Variants in NRG3 observed in about 807,000 individuals in gnomAD.
NRG3 encodes pro-neuregulin-3, membrane-bound isoform.
A neutral mutation model predicts 66.9 loss-of-function variants in NRG3; 31 were observed. That is an observed-to-expected ratio of 0.46 (90% confidence interval 0.35 to 0.63). The LOEUF (loss-of-function observed/expected upper bound fraction) is 0.63. NRG3 is among the 20% of genes least tolerant of loss of function. NRG3 has a pLI of 0.00. For synonymous variants in NRG3, 393 were observed against 359.4 expected (o/e 1.09, Z -1.06); for missense variants, 910 against 878.9 (o/e 1.04, Z -0.45).
intron 3 of NRG3, among the ~76,000 whole-genome samples, chr10:82,784,800 T>C (rs2060275078): frequency 6.6e-6 from 1 of 152,038 alleles, no homozygotes; most frequent in Non-Finnish European, 1.5e-5. Flanking sequence ...AGTGTGGCGA[T>C]TCCTCAGGGA....
intron 1 of NRG3, among the ~76,000 whole-genome samples, chr10:82,319,937 G>A (rs1197005878): frequency 6.6e-6 from 1 of 152,190 alleles, no homozygotes; most frequent in Non-Finnish European, 1.5e-5. Flanking sequence ...CTGGACTGGA[G>A]AATGTGGCTG....
Position 81,876,076 on chromosome 10 carries a change from C to A in NRG3, c.736C>A (p.Pro246Thr). 6.2e-7 allele frequency: 1 copy of A among 1,613,892 alleles called. No individual in the cohort carries two copies. The highest frequency in any genetic ancestry group is 2.2e-5 in the East Asian group (1 of 44,862). ...TTCTACTCCCTCCTGGACCCTGTCT[C>A]CCTTTCAGGATGCTGCCTCCTCTTC... ...HDSTPSWTLS[P>T]FQDAASSSSS... Residue 246 changes from proline to threonine, a missense_variant, in exon 1 of 9, where the codon CCC (proline) becomes ACC (threonine). Pro to Thr is a conservative substitution (Grantham distance 38). Transcript: ENST00000372141.
intron 1 of NRG3, among the ~76,000 whole-genome samples, chr10:82,287,647 A>G (rs1314389630): frequency 1.3e-5 from 2 of 152,066 alleles, no homozygotes; most frequent in African/African-American, 2.4e-5. Flanking sequence ...TTTATTGTTC[A>G]TGATCTTTCT....
chr10:82,342,581 T>C (rs575225609), intron 1 of NRG3, among the ~76,000 whole-genome samples: 7 of 152,130 alleles, frequency 4.6e-5, no homozygotes, highest in Non-Finnish European at 1.0e-4. Context: ...TTAAAAAGTG[T>C]GTGTTTATGT....
intron 2 of NRG3, among the ~76,000 whole-genome samples, chr10:82,587,898 A>G (rs1049678435): frequency 6.6e-6 from 1 of 152,248 alleles, no homozygotes; most frequent in South Asian, 2.1e-4. Flanking sequence ...TTTAAAAATT[A>G]TATTTCCATT....
intron 1 of NRG3, among the ~76,000 whole-genome samples, chr10:82,346,619 G>C (rs2083041074): frequency 6.6e-6 from 1 of 151,680 alleles, no homozygotes; most frequent in African/African-American, 2.4e-5. Context: ...TCTATTGATT[G>C]GAATAGTTTC....
chr10:82,945,284 A>C (rs1023168343), intron 4 of NRG3, among the ~76,000 whole-genome samples: 1 of 152,144 alleles, frequency 6.6e-6, no homozygotes, highest in Non-Finnish European at 1.5e-5. Flanking sequence ...ATATCAGTTG[A>C]TCATGCTGCT....
At chr10:82,069,126 C>T (rs2133308112) in intron 1 of NRG3, among the ~76,000 whole-genome samples, 1 of 152,268 alleles carries the variant, frequency 6.6e-6, no homozygotes, top group African/African-American at 2.4e-5. Context: ...TTACTGTCTT[C>T]AGAACCACAG....
chr10:82,796,547 A>T (rs1282776856), intron 3 of NRG3, among the ~76,000 whole-genome samples: 1 of 152,176 alleles, frequency 6.6e-6, no homozygotes, highest in Non-Finnish European at 1.5e-5. Context: ...TCAAATAGCT[A>T]CAATAGAAGC....
rs1044032173 is a variant in NRG3, at chr10:82,369,096, C to T, written c.953+10228C>T. Among the ~76,000 whole-genome samples, 3 of 138,368 alleles carry T rather than the reference C, an allele frequency of 2.2e-5. No homozygotes were observed. In the East Asian group the frequency reaches 6.4e-4, roughly 30 times the overall value. 90.8% of individuals were successfully genotyped at this position (138,368 alleles called of 152,430 possible). A position where few individuals can be genotyped will look rare whatever the true frequency, so the allele number is the denominator to read the frequency against. On this transcript the variant is annotated intron_variant, in intron 2 of 8. Transcript: ENST00000372141. Reference sequence around the variant, plus strand: ...TTCCAAATCACTTTTGTCTGATCATCATTTACAAACATAAAAGATGGCTTA... The same window carrying T: ...TTCCAAATCACTTTTGTCTGATCATTATTTACAAACATAAAAGATGGCTTA...
intron 1 of NRG3, among the ~76,000 whole-genome samples, chr10:82,213,112 C>T (rs1197461313): frequency 6.6e-6 from 1 of 152,114 alleles, no homozygotes; most frequent in African/African-American, 2.4e-5. Context: ...TAAGGGAGGA[C>T]CCAGGTAGAG....
chr10:82,632,280 G>T (rs1383538557), intron 2 of NRG3, among the ~76,000 whole-genome samples: 2 of 151,972 alleles, frequency 1.3e-5, no homozygotes, highest in African/African-American at 4.8e-5. Flanking sequence ...TATACTCTGG[G>T]CTACTATTTC....
intron 2 of NRG3, among the ~76,000 whole-genome samples, chr10:82,516,507 A>G (rs1251705657): frequency 6.6e-6 from 1 of 152,158 alleles, no homozygotes; most frequent in Non-Finnish European, 1.5e-5. Context: ...CACACACACA[A>G]ATAATGCATA....
intron 4 of NRG3, among the ~76,000 whole-genome samples, chr10:82,878,622 T>A (rs1842036329): frequency 6.6e-6 from 1 of 152,182 alleles, no homozygotes; most frequent in Non-Finnish European, 1.5e-5. Context: ...GAAAGAGCAC[T>A]TGATTTTTAT....
In NRG3 at chr10:82,973,866, C is replaced by A. The variant is rs1350530008; in HGVS notation, c.1363C>A (p.Pro455Thr). 4 of 1,614,026 alleles carry A rather than the reference C, an allele frequency of 2.5e-6. No homozygotes were observed. The South Asian group carries it at 3.3e-5, about 13-fold the overall frequency. The change falls in exon 7 of 9, where the codon CCT becomes ACT. Residue 455 changes from proline to threonine, a missense_variant. Pro to Thr is a conservative substitution (Grantham distance 38). Coordinates refer to ENST00000372141, the MANE Select transcript of NRG3 (RefSeq NM_001010848.4). Reference protein sequence around the residue: ...ESSFVGPQSFPEVPSPDRGSQ... With the variant: ...ESSFVGPQSFTEVPSPDRGSQ... ...AAGTTTTGTCGGCCCCCAGTCATTC[C>A]CTGAGGTCCCTTCTCCTGACAGAGG...
chr10:82,021,524 T>G (rs2062058014), intron 1 of NRG3, among the ~76,000 whole-genome samples: 1 of 152,076 alleles, frequency 6.6e-6, no homozygotes, highest in Admixed American at 6.6e-5. Context: ...ATTATGGCAT[T>G]GGGTTACCAG....
Position 82,168,286 on chromosome 10 carries a change from C to T in NRG3, c.824-190453C>T, listed in dbSNP as rs935788669. 9.2e-5 allele frequency among the ~76,000 whole-genome samples: 14 copies of T among 152,186 alleles called. 1 individual carries two copies. Among genetic ancestry groups the T allele is most frequent in the Middle Eastern group, 3.4e-3 (1 of 294 alleles). ...GCTTGAAACCTATTCCAAGGCTCTC[C>T]GTGGGTAGGTGGCTGGGAATTGTCC... On this transcript the variant is annotated intron_variant, in intron 1 of 8. Coordinates refer to ENST00000372141, the MANE Select transcript of NRG3 (RefSeq NM_001010848.4).
intron 1 of NRG3, among the ~76,000 whole-genome samples, chr10:82,118,825 G>T (rs2067894077): frequency 6.6e-6 from 1 of 152,042 alleles, no homozygotes; most frequent in South Asian, 2.1e-4. Context: ...AGTGACTCCT[G>T]ATGAGCCTTT....
At chr10:82,946,801 T>C (rs1464805160) in intron 4 of NRG3, among the ~76,000 whole-genome samples, 1 of 152,188 alleles carries the variant, frequency 6.6e-6, no homozygotes, top group African/African-American at 2.4e-5. Flanking sequence ...AAAAGGTTTA[T>C]ATTGCCTGCT....
Sources: allele counts gnomAD v4.1 joint callset (sites outside exome capture counted in the v4.1 genomes callset), GRCh38; gene constraint gnomAD v4.1.1; transcripts MANE v1.5; gene names NCBI Gene and HGNC (gene_info 2026-07-23, HGNC 2026-07-21).